Variants in CELF4 observed in about 807,000 individuals in gnomAD.
CELF4 encodes CUG-BP- and ETR-3-like factor 4.
CELF4 carries 18 observed loss-of-function variants against 59.9 expected under a neutral mutation model. The ratio of observed to expected loss-of-function variants is 0.30; its 90% CI spans 0.21 to 0.45. The LOEUF is 0.45. Ranked by LOEUF, CELF4 falls within the 20% of genes least tolerant of loss-of-function variation. The pLI is 1.00. For missense variants in CELF4, 456 were observed against 689.0 expected (o/e 0.66, Z 3.79); for synonymous variants, 261 against 267.1 (o/e 0.98, Z 0.22).
At chr18:37,470,887 T>TGTGAGAGAGAGAGAGAGAGAGA (rs1325788685) in intron 2 of CELF4, among the ~76,000 whole-genome samples, 10 of 71,964 alleles carry the variant, frequency 1.4e-4, no homozygotes, top group Admixed American at 1.8e-4. Context: ...TGTGTGTGTG[T>TGTGAGAGAGAGAGAGAGAGAGA]GACAGAGAGA....
chr18:37,378,189 C>T (rs1055595205), intron 2 of CELF4, among the ~76,000 whole-genome samples: 3 of 152,194 alleles, frequency 2.0e-5, no homozygotes, highest in African/African-American at 7.2e-5. Flanking sequence ...GAGCAGCACT[C>T]CCTGGACAGA....
chr18:37,314,897 G>A (rs1391252009), intron 3 of CELF4, among the ~76,000 whole-genome samples: 4 of 152,128 alleles, frequency 2.6e-5, no homozygotes, highest in East Asian at 3.9e-4. Flanking sequence ...GGAGAGACTC[G>A]GGAGCCTCTC....
At chr18:37,559,806 T>C (rs1291410843) in intron 1 of CELF4, among the ~76,000 whole-genome samples, 1 of 152,196 alleles carries the variant, frequency 6.6e-6, no homozygotes. Context: ...GATGCTACTA[T>C]TAGTGATGAT....
chr18:37,532,698 T>C (rs1328369160), intron 1 of CELF4, among the ~76,000 whole-genome samples: 1 of 152,190 alleles, frequency 6.6e-6, no homozygotes, highest in Non-Finnish European at 1.5e-5. Context: ...TAGCATGTTG[T>C]CTATAGAAGT....
At chr18:37,491,022 G>A (rs1224920329) in intron 1 of CELF4, among the ~76,000 whole-genome samples, 11 of 152,334 alleles carry the variant, frequency 7.2e-5, no homozygotes, top group Admixed American at 5.9e-4. Flanking sequence ...AATCATCCAA[G>A]GTGGGGTGGG....
In CELF4 at chr18:37,441,756, C is replaced by T. The variant is rs970619114; in HGVS notation, c.369+43769G>A. Among the ~76,000 whole-genome samples the T allele has an allele frequency of 6.6e-5, 10 of 152,214 alleles. No homozygotes were observed. The East Asian group carries it at 1.9e-3, about 30-fold the overall frequency. Reference sequence around the variant, plus strand: ...GTGGCAGCCAGCTTGCCTCCCCACTCACCACTAGGCTTGTGGCCTGGGGAG... The same window carrying T: ...GTGGCAGCCAGCTTGCCTCCCCACTTACCACTAGGCTTGTGGCCTGGGGAG... On this transcript the variant is annotated intron_variant, in intron 2 of 12. Coordinates refer to ENST00000420428, the MANE Select transcript of CELF4 (RefSeq NM_020180.4).
At chr18:37,390,336 G>T (rs762011263) in intron 2 of CELF4, among the ~76,000 whole-genome samples, 3 of 152,212 alleles carry the variant, frequency 2.0e-5, no homozygotes, top group Non-Finnish European at 4.4e-5. Context: ...AGCCACGTGT[G>T]GCAGCCCCCA....
At chr18:37,366,129 C>T (rs1272276219) in intron 2 of CELF4, among the ~76,000 whole-genome samples, 1 of 152,162 alleles carries the variant, frequency 6.6e-6, no homozygotes, top group African/African-American at 2.4e-5. Flanking sequence ...CGGTATCTAC[C>T]ACCATGTTCT....
chr18:37,554,555 T>A lies in CELF4; in HGVS notation c.286+10801A>T, dbSNP rs190395682. ...CCCGCCCCTCATCTTAGCAGCCCCT[T>A]TCTTATTCATCATCATGCCCAGCAT... On this transcript the variant is annotated intron_variant, in intron 1 of 12. Transcript: ENST00000420428. 7.2e-5 allele frequency among the ~76,000 whole-genome samples: 11 copies of A among 152,270 alleles called. No homozygotes were observed. The East Asian group carries it at 1.9e-3, about 27-fold the overall frequency.
intron 2 of CELF4, among the ~76,000 whole-genome samples, chr18:37,484,459 A>G (rs780692459): frequency 6.6e-6 from 1 of 152,224 alleles, no homozygotes; most frequent in African/African-American, 2.4e-5. Flanking sequence ...ATATATTTGC[A>G]TCTGTGGGTA....
In CELF4 at chr18:37,258,645, A is replaced by T. The variant is rs559659104; in HGVS notation, c.1333+536T>A. On this transcript the variant is annotated intron_variant, in intron 11 of 12. Coordinates refer to ENST00000420428, the MANE Select transcript of CELF4 (RefSeq NM_020180.4). ...TAGACAGAGAAGGAGTTGGGGCAGG[A>T]CAGAGAGCTGGAGAGAGGAGGCGAA... Among the ~76,000 whole-genome samples, 3 of 152,214 alleles carry T rather than the reference A, an allele frequency of 2.0e-5. No individual in the cohort carries two copies. The South Asian group carries it at 6.2e-4, about 32-fold the overall frequency.
chr18:37,392,977 GTT>G (rs1487935511), intron 2 of CELF4, among the ~76,000 whole-genome samples: 9 of 152,086 alleles, frequency 5.9e-5, no homozygotes, highest in Non-Finnish European at 5.9e-5. Flanking sequence ...ATTTTTGTCT[GTT>G]CCCTGTGGTG....
In CELF4 at chr18:37,244,945, T is replaced by C. The variant is rs1568649943; in HGVS notation, c.*297A>G. On this transcript the variant is annotated 3_prime_UTR_variant, in exon 13 of 13. Coordinates refer to ENST00000420428, the MANE Select transcript of CELF4 (RefSeq NM_020180.4). ...TGATATTTTGTTTTAAAGTTGCCTT[T>C]TGTGTGTTTTTTTCTCATTTTTCTT... is the stretch of plus-strand genomic sequence containing the variant. 6.6e-6 allele frequency: 1 copy of C among 152,616 alleles called. No individual in the cohort carries two copies. The highest frequency in any genetic ancestry group is 6.5e-5 in the Admixed American group (1 of 15,288). 9.5% of individuals were successfully genotyped at this position (152,616 alleles called of 1,614,324 possible).
intron 10 of CELF4, among the ~76,000 whole-genome samples, chr18:37,264,340 T>C (rs569991256): frequency 2.6e-4 from 39 of 152,256 alleles, no homozygotes; most frequent in Non-Finnish European, 3.8e-4. Context: ...GGTTTTGATA[T>C]GTGAGCTCTG....
At chr18:37,365,480 A>ATTT (rs2098765551) in intron 2 of CELF4, among the ~76,000 whole-genome samples, 1 of 65,442 alleles carries the variant, frequency 1.5e-5, no homozygotes, top group South Asian at 6.4e-4. Flanking sequence ...CGGATGGGGC[A>ATTT]ATTTTTTTTT....
At chr18:37,565,244 C>T in intron 1 of CELF4, 112 bp downstream of exon 1, 2 of 1,276,700 alleles carry the variant, frequency 1.6e-6, no homozygotes, top group Non-Finnish European at 2.1e-6. Context: ...CCACCGCGCC[C>T]GCCCGAGGCT....
chr18:37,455,335 AGAGGGTTCTTGT>A (rs1014517098), intron 2 of CELF4, among the ~76,000 whole-genome samples: 1 of 152,244 alleles, frequency 6.6e-6, no homozygotes, highest in African/African-American at 2.4e-5. Context: ...TAATTTGCTC[AGAGGGTTCTTGT>A]GAGTGAGACC....
At chr18:37,382,879 G>A (rs11876166) in intron 2 of CELF4, among the ~76,000 whole-genome samples, 53,588 of 151,952 alleles carry the variant, frequency 0.35, 9,883 homozygotes, top group Non-Finnish European at 0.41. Flanking sequence ...AAATGTAAGC[G>A]CCCTGACCCT....
rs73948886 is a variant in CELF4 at position 37,310,559 on chromosome 18, G to C, written c.448+11244C>G. On this transcript the variant is annotated intron_variant, in intron 3 of 12. Transcript: ENST00000420428. ...AGCTCTGCTCTTTGAGCTCTTCCGTGCTCAGATCCTCCTCCCCTCTGAAGG... is the reference window on the plus strand; with the variant it reads ...AGCTCTGCTCTTTGAGCTCTTCCGTCCTCAGATCCTCCTCCCCTCTGAAGG... Among the ~76,000 whole-genome samples the C allele has an allele frequency of 5.1e-3, 783 of 152,218 alleles. 4 individuals are homozygous for C. The highest frequency in any genetic ancestry group is 0.018 in the African/African-American group (743 of 41,540).
Sources: gnomAD v4.1 joint callset for allele counts (sites outside exome capture counted in the v4.1 genomes callset) on GRCh38, gnomAD v4.1.1 for gene constraint, MANE v1.5 for transcripts, NCBI Gene and HGNC (gene_info 2026-07-23, HGNC 2026-07-21) for gene names.